WNT8B: variants seen among roughly 807,000 people sequenced by gnomAD.
The protein encoded by WNT8B is protein Wnt-8b.
WNT8B carries 24 observed loss-of-function variants against 36.6 expected under a neutral mutation model. The observed-to-expected ratio is 0.66, with a 90% CI of 0.48 to 0.92. The LOEUF (loss-of-function observed/expected upper bound fraction) is 0.92. WNT8B is among the 40% of genes least tolerant of loss of function. The pLI, the probability that WNT8B is intolerant of heterozygous loss-of-function variation, is 0.00. For synonymous variants in WNT8B, 199 were observed against 189.8 expected, an observed-to-expected ratio of 1.05 and a Z score of -0.40; for missense variants, 402 against 470.8, an observed-to-expected ratio of 0.85 and a Z score of 1.35.
rs1277439713 is a variant in WNT8B, at chr10:100,483,235, C to T, written c.*419C>T. 1 of 165,768 alleles carries T rather than the reference C, an allele frequency of 6.0e-6. No individual in the cohort carries two copies. The highest frequency in any genetic ancestry group is 1.7e-4 in the East Asian group (1 of 5,776). 10.3% of individuals were successfully genotyped at this position (165,768 alleles called of 1,614,324 possible). On this transcript the variant is annotated 3_prime_UTR_variant, in exon 6 of 6. Transcript: ENST00000343737. ...CCACTGTCTGCTACCAGGGCTCACC[C>T]ACTGCTGCACCTCTCTTCTGCACAG...
At position 100,463,063 on chromosome 10, in the gene WNT8B, G is replaced by C. The variant is rs1398499288; in HGVS notation, c.-106G>C. ...GATCGCTTACACACCAAGGAAGTTG[G>C]GCTTTGAGAATTCCATCCCACTGGC... On this transcript the variant is annotated 5_prime_UTR_variant, in exon 1 of 6. Transcript: ENST00000343737. 6.7e-6 allele frequency: 7 copies of C among 1,042,448 alleles called. No individual in the cohort carries two copies. The highest frequency in any genetic ancestry group is 1.0e-5 in the Non-Finnish European group (7 of 689,902). The allele number at this position is 1,042,448 out of a possible 1,614,324, so 64.6% of individuals were successfully genotyped here.
intron 2 of WNT8B, among the ~76,000 whole-genome samples, chr10:100,479,357 G>A (rs1027722204): frequency 6.6e-6 from 1 of 152,196 alleles, no homozygotes; most frequent in African/African-American, 2.4e-5. Context: ...GTGTCAGGCT[G>A]CAAAGTCACA....
chr10:100,479,134 G>T, intron 2 of WNT8B, 49 bp downstream of exon 2: 1 of 1,515,060 alleles, frequency 6.6e-7, no homozygotes, highest in Non-Finnish European at 9.0e-7. Context: ...ATCTTAGCCT[G>T]TTGACTAAAG....
intron 4 of WNT8B, among the ~76,000 whole-genome samples, chr10:100,481,556 C>CT (rs979272775): frequency 6.6e-6 from 1 of 152,166 alleles, no homozygotes; most frequent in Non-Finnish European, 1.5e-5. Context: ...CTTTCCTCAT[C>CT]TTTTTGGCAC....
In WNT8B at chr10:100,476,019, C is replaced by T. The variant is rs2039941; in HGVS notation, c.69-3033C>T. On this transcript the variant is annotated intron_variant, in intron 1 of 5. Coordinates refer to ENST00000343737, the MANE Select transcript of WNT8B (RefSeq NM_003393.4). The stretch of plus-strand genomic sequence containing the variant: ...AAAAGTAGGCCTTGGTGGCTGGGCG[C>T]GGTGGCTCACGCCTGTAATCCCAGC... Among the ~76,000 whole-genome samples the T allele has an allele frequency of 9.0e-3, 1,370 of 152,006 alleles. 28 individuals are homozygous for T. The highest frequency in any genetic ancestry group is 0.03 in the African/African-American group (1,245 of 41,434).
chr10:100,471,959 C>T (rs1176392541), intron 1 of WNT8B, among the ~76,000 whole-genome samples: 1 of 151,800 alleles, frequency 6.6e-6, no homozygotes, highest in Non-Finnish European at 1.5e-5. Context: ...CTTTGGGAGG[C>T]TGACATGGGC....
chr10:100,463,168 T>C lies in WNT8B; in HGVS notation c.-1T>C. The C allele has an allele frequency of 6.2e-7, 1 of 1,613,880 alleles. No homozygotes were observed. The highest frequency in any genetic ancestry group is 2.2e-5 in the East Asian group (1 of 44,876). ...TTCTCTAGCTGTTACTCCAGAGGAT[T>C]ATGTTTCTTTCAAAGCCTTCTGTGT... On this transcript the variant is annotated 5_prime_UTR_variant, in exon 1 of 6. Transcript: ENST00000343737.
At chr10:100,481,322 T>C (rs1268558343) in intron 4 of WNT8B, among the ~76,000 whole-genome samples, 199 bp downstream of exon 4, 4 of 152,088 alleles carry the variant, frequency 2.6e-5, no homozygotes, top group East Asian at 1.9e-4. Flanking sequence ...TCCCATTGAG[T>C]AGTTTCCTTA....
chr10:100,474,054 A>G (rs1019421484), intron 1 of WNT8B, among the ~76,000 whole-genome samples: 1 of 152,232 alleles, frequency 6.6e-6, no homozygotes, highest in Non-Finnish European at 1.5e-5. Context: ...TCAGGAGTTC[A>G]GTTTTGGACA....
intron 1 of WNT8B, among the ~76,000 whole-genome samples, chr10:100,476,551 GTTCA>G (rs1851040162): frequency 1.3e-5 from 2 of 151,750 alleles, no homozygotes; most frequent in South Asian, 4.2e-4. Flanking sequence ...TTCTGGTGAT[GTTCA>G]GCATCTTATT....
intron 1 of WNT8B, among the ~76,000 whole-genome samples, chr10:100,470,882 A>T (rs1331250644): frequency 6.6e-6 from 1 of 152,142 alleles, no homozygotes; most frequent in Non-Finnish European, 1.5e-5. Flanking sequence ...AGCTGGGACT[A>T]CAAGTCCACA....
chr10:100,480,590 C>G (rs1296854333), intron 3 of WNT8B, among the ~76,000 whole-genome samples: 1 of 152,148 alleles, frequency 6.6e-6, no homozygotes, highest in Non-Finnish European at 1.5e-5. Flanking sequence ...TCTTTCCAGT[C>G]ATGTGTGTCA....
chr10:100,463,875 C>T (rs1488909649), intron 1 of WNT8B, among the ~76,000 whole-genome samples: 1 of 152,132 alleles, frequency 6.6e-6, no homozygotes, highest in South Asian at 2.1e-4. Flanking sequence ...TATGAAAGTG[C>T]TTTGTAAATT....
At chr10:100,469,101 T>C (rs1406713321) in intron 1 of WNT8B, among the ~76,000 whole-genome samples, 1 of 152,056 alleles carries the variant, frequency 6.6e-6, no homozygotes, top group Admixed American at 6.5e-5. Flanking sequence ...TGGACTTTAA[T>C]TTGGTGAAAT....
chr10:100,466,030 T>C (rs899729900), intron 1 of WNT8B, among the ~76,000 whole-genome samples: 12 of 151,972 alleles, frequency 7.9e-5, no homozygotes, highest in Admixed American at 5.2e-4. Flanking sequence ...CATACTGGGG[T>C]TCTGTCATAA....
chr10:100,472,570 A>G (rs1484604650), intron 1 of WNT8B, among the ~76,000 whole-genome samples: 1 of 152,242 alleles, frequency 6.6e-6, no homozygotes, highest in Non-Finnish European at 1.5e-5. Flanking sequence ...AGAGTTCCTC[A>G]CATACTTGAA....
At chr10:100,478,797 G>T (rs892819540) in intron 1 of WNT8B, among the ~76,000 whole-genome samples, 1 of 152,066 alleles carries the variant, frequency 6.6e-6, no homozygotes, top group Non-Finnish European at 1.5e-5. Context: ...TGGCCATGCT[G>T]GTCTCAAACT....
Position 100,463,047 on chromosome 10 carries a change from C to T in WNT8B, c.-122C>T. ...CCTTAACTCTGTTTGGGATCGCTTA[C>T]ACACCAAGGAAGTTGGGCTTTGAGA... On this transcript the variant is annotated 5_prime_UTR_variant, in exon 1 of 6. Coordinates refer to ENST00000343737, the MANE Select transcript of WNT8B (RefSeq NM_003393.4). 1 of 856,982 alleles carries T rather than the reference C, an allele frequency of 1.2e-6. No homozygotes were observed. The highest frequency in any genetic ancestry group is 2.5e-5 in the East Asian group (1 of 39,276). The allele number at this position is 856,982 out of a possible 1,614,324, so 53.1% of individuals were successfully genotyped here. A position where few individuals can be genotyped will look rare whatever the true frequency, so the allele number is the denominator to read the frequency against.
intron 1 of WNT8B, among the ~76,000 whole-genome samples, chr10:100,469,141 A>G (rs867218780): frequency 3.2e-4 from 49 of 152,212 alleles, no homozygotes; most frequent in African/African-American, 1.2e-3. Flanking sequence ...AAAGCTACAC[A>G]TTCCTGAATT....
Sources: gnomAD v4.1 joint callset for allele counts (sites outside exome capture counted in the v4.1 genomes callset) on GRCh38, gnomAD v4.1.1 for gene constraint, MANE v1.5 for transcripts, NCBI Gene and HGNC (gene_info 2026-07-23, HGNC 2026-07-21) for gene names.